MCUR1: variants seen among roughly 807,000 people sequenced by gnomAD.
The protein encoded by MCUR1 is mitochondrial calcium uniporter regulator 1.
In MCUR1, 37 loss-of-function variants were observed where a neutral mutation model predicts 42.0. The ratio of observed to expected loss-of-function variants is 0.88; its 90% CI spans 0.68 to 1.16. The LOEUF (loss-of-function observed/expected upper bound fraction) is 1.16, where lower values mean the gene tolerates loss of function less well. Among genes scored for constraint, MCUR1 ranks in the 50% most tolerant of loss-of-function variants. The pLI, the probability that MCUR1 is intolerant of heterozygous loss-of-function variation, is 0.00. For synonymous variants in MCUR1, 229 were observed against 196.2 expected (o/e 1.17, Z -1.40); for missense variants, 469 against 468.4 (o/e 1.00, Z -0.01).
At chr6:13,810,282 T>C (rs1042272486) in intron 1 of MCUR1, among the ~76,000 whole-genome samples, 4 of 152,056 alleles carry the variant, frequency 2.6e-5, no homozygotes, top group African/African-American at 4.8e-5. Context: ...AACTTTTAAA[T>C]ATAGCTGCTT....
At chr6:13,812,113 G>C (rs1760249172) in intron 1 of MCUR1, among the ~76,000 whole-genome samples, 3 of 152,074 alleles carry the variant, frequency 2.0e-5, no homozygotes, top group Non-Finnish European at 2.9e-5. Context: ...CGTGTAACAT[G>C]CAATTCCCCT....
intron 1 of MCUR1, among the ~76,000 whole-genome samples, chr6:13,809,952 C>A (rs6918488): frequency 0.11 from 16,655 of 151,758 alleles, 1,472 homozygotes; most frequent in African/African-American, 0.24. Flanking sequence ...CGCCTGTAAT[C>A]CCAGCACTTT....
Position 13,814,129 on chromosome 6 carries a change from C to T in MCUR1, c.301G>A (p.Ala101Thr). 1.6e-6 allele frequency: 2 copies of T among 1,277,506 alleles called. No individual in the cohort carries two copies. The highest frequency in any genetic ancestry group is 2.8e-5 in the South Asian group (1 of 35,694). The allele number at this position is 1,277,506 out of a possible 1,614,324, so 79.1% of individuals were successfully genotyped here. Residue 101 changes from alanine to threonine, a missense_variant, in exon 1 of 9, where the codon GCA becomes ACA. Physicochemically the swap from Ala to Thr is moderately conservative, Grantham distance 58. Coordinates refer to ENST00000379170, the MANE Select transcript of MCUR1 (RefSeq NM_001031713.4). ...DWERSRLGYA[A>T]PPAGRSSAWR... ...GCGCTGCTGCGCCCGGCCGGGGGTG[C>T]GGCATACCCGAGGCGCGAGCGCTCC...
At chr6:13,799,705 C>T (rs1466636451) in intron 5 of MCUR1, among the ~76,000 whole-genome samples, 1 of 151,816 alleles carries the variant, frequency 6.6e-6, no homozygotes, top group Admixed American at 6.6e-5. Context: ...GCACAGTAAG[C>T]ATTTAAAAAT....
At position 13,793,853 on chromosome 6, in the gene MCUR1, T is replaced by C. The variant is rs185303426; in HGVS notation, c.909+41A>G. 5.2e-6 allele frequency: 8 copies of C among 1,549,964 alleles called. No homozygotes were observed. The Admixed American group carries it at 1.3e-4, about 26-fold the overall frequency. On this transcript the variant is annotated intron_variant, in intron 7 of 8. Coordinates refer to ENST00000379170, the MANE Select transcript of MCUR1 (RefSeq NM_001031713.4). The stretch of plus-strand genomic sequence containing the variant: ...AACCATGCATGGAACGAAGCAAAGA[T>C]GAGTACAAAGACAAAGAAAAATCAC...
intron 5 of MCUR1, among the ~76,000 whole-genome samples, chr6:13,799,827 C>CTTTTTTT (rs542304036): frequency 8.3e-5 from 8 of 96,194 alleles, no homozygotes; most frequent in Non-Finnish European, 1.6e-4. Context: ...ACACAATTTT[C>CTTTTTTT]TTTTTTTTTT....
chr6:13,800,716 C>G (rs1479601559), intron 4 of MCUR1, among the ~76,000 whole-genome samples: 1 of 152,190 alleles, frequency 6.6e-6, no homozygotes, highest in Non-Finnish European at 1.5e-5. Flanking sequence ...AACTTTACCA[C>G]TTTACTTTTT....
intron 6 of MCUR1, 87 bp downstream of exon 6, chr6:13,798,746 A>C: frequency 1.1e-6 from 1 of 917,182 alleles, no homozygotes; most frequent in Non-Finnish European, 1.7e-6. Context: ...AACAGTACCT[A>C]TGACATGTAC....
rs2113449200 is a variant in MCUR1 at position 13,789,837 on chromosome 6, A to AG, written c.*971dup. On this transcript the variant is annotated 3_prime_UTR_variant, in exon 9 of 9. Transcript: ENST00000379170. ...AAGAGATGGAGAAGAGGGAGGGAGG[A>AG]GGGAAAATCTTGCATTCTAAGAGGT... 6.6e-6 allele frequency: 1 copy of AG among 152,186 alleles called. No homozygotes were observed. Among genetic ancestry groups the AG allele is most frequent in the East Asian group, 1.9e-4 (1 of 5,166 alleles). 9.4% of individuals were successfully genotyped at this position (152,186 alleles called of 1,614,324 possible). A position where few individuals can be genotyped will look rare whatever the true frequency, so the allele number is the denominator to read the frequency against.
chr6:13,813,163 G>C (rs1760275004), intron 1 of MCUR1, among the ~76,000 whole-genome samples: 1 of 152,176 alleles, frequency 6.6e-6, no homozygotes, highest in Admixed American at 6.5e-5. Context: ...GTAGGCTGTA[G>C]CATCCAGGTT....
intron 3 of MCUR1, 47 bp from the exon 4 acceptor site, chr6:13,801,436 T>C: frequency 2.2e-6 from 3 of 1,339,610 alleles, no homozygotes; most frequent in Non-Finnish European, 3.2e-6. Context: ...CCCTAAAAAG[T>C]CCACTTCCTA....
intron 1 of MCUR1, among the ~76,000 whole-genome samples, chr6:13,812,683 C>G (rs1202436158): frequency 2.0e-5 from 3 of 152,118 alleles, no homozygotes; most frequent in Non-Finnish European, 4.4e-5. Flanking sequence ...AGTTTTTACC[C>G]CAGCCAATGA....
At chr6:13,795,835 A>G (rs1584983732) in intron 6 of MCUR1, among the ~76,000 whole-genome samples, 2 of 152,144 alleles carry the variant, frequency 1.3e-5, no homozygotes, top group Admixed American at 6.6e-5. Flanking sequence ...TCACCTCTAA[A>G]TAACGTCTTC....
chr6:13,796,256 T>C (rs1759851670), intron 6 of MCUR1, among the ~76,000 whole-genome samples: 1 of 151,912 alleles, frequency 6.6e-6, no homozygotes, highest in African/African-American at 2.4e-5. Flanking sequence ...ATATGAGTAT[T>C]TGCAAGAATG....
intron 2 of MCUR1, chr6:13,803,778 C>A: frequency 1.0e-6 from 1 of 985,318 alleles, no homozygotes; most frequent in Non-Finnish European, 1.2e-6. Context: ...TTTTTCTCGT[C>A]TGTCTTCCTA....
In MCUR1 at chr6:13,814,456, C is replaced by A. The variant is rs374391799; in HGVS notation, c.-27G>T. 1 of 1,475,428 alleles carries A rather than the reference C, an allele frequency of 6.8e-7. No homozygotes were observed. Among genetic ancestry groups the A allele is most frequent in the Middle Eastern group, 2.4e-4 (1 of 4,158 alleles). 91.4% of individuals were successfully genotyped at this position (1,475,428 alleles called of 1,614,324 possible). A position where few individuals can be genotyped will look rare whatever the true frequency, so the allele number is the denominator to read the frequency against. On this transcript the variant is annotated 5_prime_UTR_variant, in exon 1 of 9. Coordinates refer to ENST00000379170, the MANE Select transcript of MCUR1 (RefSeq NM_001031713.4). Reference sequence around the variant, plus strand: ...CCCGAGCAGTTCACTGGCCCGGGCGCGCGCTCATGCCTCTCGCTTTTGGCG... The same window carrying A: ...CCCGAGCAGTTCACTGGCCCGGGCGAGCGCTCATGCCTCTCGCTTTTGGCG...
intron 1 of MCUR1, among the ~76,000 whole-genome samples, chr6:13,813,545 G>A (rs1328949526): frequency 6.6e-6 from 1 of 152,146 alleles, no homozygotes; most frequent in African/African-American, 2.4e-5. Context: ...AAAGCGCCAG[G>A]GACAGGGCAG....
chr6:13,802,117 A>T, intron 3 of MCUR1, 126 bp downstream of exon 3: 1 of 615,318 alleles, frequency 1.6e-6, no homozygotes, highest in Non-Finnish European at 2.7e-6. Context: ...TTTGCCTCTT[A>T]ATCATGGTAA....
chr6:13,809,216 T>C (rs1253936279), intron 1 of MCUR1, among the ~76,000 whole-genome samples: 1 of 152,018 alleles, frequency 6.6e-6, no homozygotes, highest in Non-Finnish European at 1.5e-5. Flanking sequence ...CACCTTAATA[T>C]TAAGTATTCA....
Sources: gnomAD v4.1 joint callset for allele counts (sites outside exome capture counted in the v4.1 genomes callset) on GRCh38, gnomAD v4.1.1 for gene constraint, MANE v1.5 for transcripts, NCBI Gene and HGNC (gene_info 2026-07-23, HGNC 2026-07-21) for gene names.